Variants in CTNNA3 observed in about 807,000 individuals in gnomAD.
CTNNA3 encodes the protein catenin alpha-3.
A neutral mutation model predicts 95.7 loss-of-function variants in CTNNA3; 76 were observed. The ratio of observed to expected loss-of-function variants is 0.79; its 90% CI spans 0.66 to 0.96. The LOEUF is 0.96. CTNNA3 is among the 40% of genes least tolerant of loss of function. The pLI, the probability that CTNNA3 is intolerant of heterozygous loss-of-function variation, is 0.00. For missense variants in CTNNA3, 1,191 were observed against 1,089.8 expected (o/e 1.09, Z -1.31); for synonymous variants, 431 against 374.4 (o/e 1.15, Z -1.74).
At chr10:66,747,946 T>C (rs1374159082) in intron 9 of CTNNA3, among the ~76,000 whole-genome samples, 2 of 152,140 alleles carry the variant, frequency 1.3e-5, no homozygotes, top group African/African-American at 4.8e-5. Context: ...CACCAACTCA[T>C]AGGTCAAATG....
chr10:66,391,301 A>C (rs1392996331), intron 11 of CTNNA3, among the ~76,000 whole-genome samples: 3 of 152,136 alleles, frequency 2.0e-5, no homozygotes, highest in Non-Finnish European at 4.4e-5. Flanking sequence ...ATTCTATAGA[A>C]GAACACACAC....
intron 12 of CTNNA3, among the ~76,000 whole-genome samples, chr10:66,337,456 G>C (rs1162078164): frequency 6.6e-6 from 1 of 152,068 alleles, no homozygotes; most frequent in Non-Finnish European, 1.5e-5. Flanking sequence ...CTATGAGCCA[G>C]ATATTGTGCT....
intron 5 of CTNNA3, among the ~76,000 whole-genome samples, chr10:67,318,512 C>A (rs541092686): frequency 2.0e-4 from 30 of 152,296 alleles, no homozygotes; most frequent in African/African-American, 6.7e-4. Context: ...AACCAAAGAA[C>A]AAACAATGTT....
intron 7 of CTNNA3, among the ~76,000 whole-genome samples, chr10:66,996,071 T>C (rs1851319345): frequency 1.3e-5 from 2 of 152,186 alleles, no homozygotes; most frequent in Non-Finnish European, 2.9e-5. Flanking sequence ...TGTAATATTA[T>C]CCTACTAAAC....
intron 1 of CTNNA3, among the ~76,000 whole-genome samples, chr10:67,743,737 G>A (rs981963290): frequency 6.6e-6 from 1 of 151,234 alleles, no homozygotes; most frequent in Non-Finnish European, 1.5e-5. Flanking sequence ...TGACATGATT[G>A]TATATCTAGA....
chr10:66,261,826 C>T (rs2091010951), intron 13 of CTNNA3, among the ~76,000 whole-genome samples: 1 of 151,908 alleles, frequency 6.6e-6, no homozygotes, highest in Non-Finnish European at 1.5e-5. Context: ...ACAGAATCAA[C>T]ATGAGATGGT....
At chr10:66,768,984 A>G (rs1026253097) in intron 8 of CTNNA3, among the ~76,000 whole-genome samples, 4 of 152,088 alleles carry the variant, frequency 2.6e-5, no homozygotes, top group South Asian at 2.1e-4. Context: ...GTGAGTATAA[A>G]CTTCTGTTTT....
chr10:67,081,881 T>G (rs956143800), intron 7 of CTNNA3, among the ~76,000 whole-genome samples: 2 of 152,204 alleles, frequency 1.3e-5, no homozygotes, highest in African/African-American at 4.8e-5. Context: ...TAGCCCTGTT[T>G]ATTCACTAGT....
intron 7 of CTNNA3, among the ~76,000 whole-genome samples, chr10:67,144,044 G>T (rs532098275): frequency 1.3e-5 from 2 of 152,268 alleles, no homozygotes; most frequent in South Asian, 4.1e-4. Flanking sequence ...TTGACCCATG[G>T]GCTATAGAAT....
intron 7 of CTNNA3, among the ~76,000 whole-genome samples, chr10:66,831,100 C>A (rs1039827084): frequency 1.3e-5 from 2 of 152,222 alleles, no homozygotes; most frequent in Non-Finnish European, 2.9e-5. Context: ...CAATGCATCA[C>A]CATCATCCTC....
chr10:66,522,917 T>A (rs1372206543), intron 10 of CTNNA3, among the ~76,000 whole-genome samples: 1 of 152,120 alleles, frequency 6.6e-6, no homozygotes, highest in African/African-American at 2.4e-5. Context: ...CTACTGAATA[T>A]CCTAAAGACT....
rs551548354 is a variant in CTNNA3 at position 66,447,092 on chromosome 10, A to G, written c.1532-67740T>C. ...CATTCACAATTGCTTCAAAGAGAAT[A>G]AAATACCTAGGAATCCAACTTACAA... is the stretch of plus-strand genomic sequence containing the variant. On this transcript the variant is annotated intron_variant, in intron 11 of 17. Transcript: ENST00000433211. Among the ~76,000 whole-genome samples the G allele has an allele frequency of 1.0e-3, 157 of 151,844 alleles. 1 individual carries two copies. The highest frequency in any genetic ancestry group is 3.2e-3 in the Admixed American group (49 of 15,246).
chr10:67,494,602 A>C (rs1173442380), intron 5 of CTNNA3, among the ~76,000 whole-genome samples: 1 of 152,172 alleles, frequency 6.6e-6, no homozygotes, highest in Admixed American at 6.5e-5. Flanking sequence ...ACCTGCAAAA[A>C]CCTGATGCTG....
rs1160996707 is a variant in CTNNA3 at position 66,845,725 on chromosome 10, A to AAAAAAAAAAAC, written c.1048-70202_1048-70201insGTTTTTTTTTT. Among the ~76,000 whole-genome samples, 145 of 100,366 alleles carry AAAAAAAAAAAC rather than the reference A, an allele frequency of 1.4e-3. 16 individuals are homozygous for AAAAAAAAAAAC. The highest frequency in any genetic ancestry group is 0.013 in the Middle Eastern group (2 of 158). 65.8% of individuals were successfully genotyped at this position (100,366 alleles called of 152,430 possible). ...TCTCAAAAAAAAAAAAAAAAAAAAA[A>AAAAAAAAAAAC]AAAACTAAAAAGGTGAGATATATAT... On this transcript the variant is annotated intron_variant, in intron 7 of 17. Transcript: ENST00000433211.
intron 11 of CTNNA3, among the ~76,000 whole-genome samples, chr10:66,446,265 T>A (rs1456238753): frequency 1.3e-5 from 2 of 152,152 alleles, no homozygotes; most frequent in African/African-American, 4.8e-5. Context: ...GCTGGTACCA[T>A]TCCTTCTGAA....
intron 10 of CTNNA3, among the ~76,000 whole-genome samples, chr10:66,546,778 T>C (rs1193417076): frequency 1.3e-5 from 2 of 152,080 alleles, no homozygotes; most frequent in Non-Finnish European, 2.9e-5. Context: ...CACGTGGAAA[T>C]TATGGGGATC....
At chr10:66,571,599 T>G (rs1842869215) in intron 10 of CTNNA3, among the ~76,000 whole-genome samples, 1 of 152,172 alleles carries the variant, frequency 6.6e-6, no homozygotes, top group African/African-American at 2.4e-5. Flanking sequence ...CCCTAAGTCT[T>G]TTGGGTTCAA....
At chr10:67,291,471 C>T (rs1319281588) in intron 5 of CTNNA3, among the ~76,000 whole-genome samples, 1 of 152,184 alleles carries the variant, frequency 6.6e-6, no homozygotes, top group Admixed American at 6.5e-5. Flanking sequence ...TTTCTCCTCT[C>T]TCTAGCATTT....
chr10:65,935,292 AAG>A (rs1328445683), intron 17 of CTNNA3, among the ~76,000 whole-genome samples: 1 of 152,148 alleles, frequency 6.6e-6, no homozygotes, highest in Non-Finnish European at 1.5e-5. Context: ...CTATTATTTC[AAG>A]ATTTTCAGAG....
Sources: gnomAD v4.1 joint callset for allele counts (sites outside exome capture counted in the v4.1 genomes callset) on GRCh38, gnomAD v4.1.1 for gene constraint, MANE v1.5 for transcripts, NCBI Gene and HGNC (gene_info 2026-07-23, HGNC 2026-07-21) for gene names.